Variants in CCND3 observed in about 807,000 individuals in gnomAD.
CCND3 encodes the protein G1/S-specific cyclin-D3.
Under a neutral mutation model 28.7 loss-of-function variants are expected in CCND3, and 9 were observed. The ratio of observed to expected loss-of-function variants is 0.31; its 90% CI spans 0.19 to 0.55. The LOEUF (loss-of-function observed/expected upper bound fraction) is 0.55. Among genes scored for constraint, CCND3 ranks in the 20% least tolerant of loss-of-function variants. The pLI is 0.93. For synonymous variants in CCND3, 164 were observed against 163.9 expected (o/e 1.00, Z 0.00); for missense variants, 315 against 385.8 (o/e 0.82, Z 1.54).
chr6:42,000,118 C>T (rs1762945754), intron 1 of CCND3, among the ~76,000 whole-genome samples: 1 of 148,660 alleles, frequency 6.7e-6, no homozygotes, highest in Non-Finnish European at 1.5e-5. Context: ...CATACTAGGT[C>T]ATAAAGCAAG....
rs1242442439 is a variant in CCND3, at chr6:41,938,438, A to G, written c.415-1044T>C. Among the ~76,000 whole-genome samples, 1 of 152,114 alleles carries G rather than the reference A, an allele frequency of 6.6e-6. No individual in the cohort carries two copies. The highest frequency in any genetic ancestry group is 2.4e-5 in the African/African-American group (1 of 41,418). ...CCCCTACCCTCACAGAGCCCCAGAG[A>G]AAATAGCCTGGCCTGGAGCCAGAAG... On this transcript the variant is annotated intron_variant, in intron 2 of 4. Transcript: ENST00000372991. This position sits in a 1 kb window ranked among gnomAD's most constrained non-coding sequence, Gnocchi z 4.6.
chr6:41,959,950 C>T (rs1410940616), intron 1 of CCND3, among the ~76,000 whole-genome samples: 3 of 80,234 alleles, frequency 3.7e-5, no homozygotes, highest in African/African-American at 6.3e-5. Flanking sequence ...AGCGAGACTC[C>T]GTCTCAAAAA....
chr6:41,940,639 CG>C (rs575038141), intron 1 of CCND3, 54 bp from the exon 2 acceptor site: 104 of 1,084,124 alleles, frequency 9.6e-5, no homozygotes, highest in Admixed American at 2.8e-4. Flanking sequence ...AACACAGCAG[CG>C]GGGGGGTGGG....
intron 1 of CCND3, among the ~76,000 whole-genome samples, chr6:41,983,373 A>G (rs1762400283): frequency 6.6e-6 from 1 of 151,746 alleles, no homozygotes. Flanking sequence ...CTGTCTCAAA[A>G]AAAAAAAAAA....
At position 42,048,376 on chromosome 6, in the gene CCND3, T is replaced by C; in HGVS notation, c.-46+125A>G. On this transcript the variant is annotated intron_variant, in intron 1 of 4. Transcript: ENST00000372988. This position sits in a 1 kb window ranked among gnomAD's most constrained non-coding sequence, Gnocchi z 4.7. ...GTGGGAAAGTGAGCCAAGCTTTCGG[T>C]GCCAACTAGGAAGTGATGAGGATGC... 1 of 341,896 alleles carries C rather than the reference T, an allele frequency of 2.9e-6. No individual in the cohort carries two copies. The highest frequency in any genetic ancestry group is 2.2e-5 in the African/African-American group (1 of 45,934). The allele number at this position is 341,896 out of a possible 1,614,324, so 21.2% of individuals were successfully genotyped here.
intron 1 of CCND3, among the ~76,000 whole-genome samples, chr6:41,979,343 C>G (rs1045742524): frequency 6.6e-6 from 1 of 151,534 alleles, no homozygotes; most frequent in Non-Finnish European, 1.5e-5. Context: ...ACCATCCTGG[C>G]TAACACGGTG....
At chr6:42,043,998 G>A (rs1434281539) in intron 1 of CCND3, among the ~76,000 whole-genome samples, 2 of 152,234 alleles carry the variant, frequency 1.3e-5, no homozygotes, top group Admixed American at 1.3e-4. Flanking sequence ...GCCCTCTGAA[G>A]GGCATAAAAG....
chr6:42,013,962 C>CT (rs1428727963), intron 1 of CCND3, among the ~76,000 whole-genome samples: 5 of 151,688 alleles, frequency 3.3e-5, no homozygotes, highest in Non-Finnish European at 5.9e-5. Flanking sequence ...GTCCCAGCTA[C>CT]CAGGGAGGCT....
intron 1 of CCND3, among the ~76,000 whole-genome samples, chr6:41,993,888 A>C (rs1239829046): frequency 6.7e-6 from 1 of 148,410 alleles, no homozygotes; most frequent in Non-Finnish European, 1.5e-5. Context: ...ACACCACTGC[A>C]CTCCAGCCTG....
At chr6:41,967,738 A>T (rs1761927095) in intron 1 of CCND3, among the ~76,000 whole-genome samples, 1 of 152,140 alleles carries the variant, frequency 6.6e-6, no homozygotes, top group African/African-American at 2.4e-5. Flanking sequence ...CCATTGTATC[A>T]ATTTTAGTGC....
At chr6:42,000,506 G>A (rs1317686767) in intron 1 of CCND3, among the ~76,000 whole-genome samples, 1 of 148,314 alleles carries the variant, frequency 6.7e-6, no homozygotes, top group East Asian at 2.0e-4. Flanking sequence ...GGGATTATAA[G>A]CGTGAGCCAC....
intron 1 of CCND3, among the ~76,000 whole-genome samples, chr6:41,971,561 G>T (rs1184628861): frequency 1.3e-5 from 2 of 149,494 alleles, no homozygotes; most frequent in Admixed American, 6.6e-5. Context: ...TTTTTTTTTT[G>T]AGATAGAGTC....
At chr6:41,945,106 A>G (rs1022931087), upstream of CCND3, among the ~76,000 whole-genome samples, 1 of 152,234 alleles carries the variant, frequency 6.6e-6, no homozygotes, top group African/African-American at 2.4e-5. Context: ...CCAGTTAGAA[A>G]AAGTCAATAA....
intron 1 of CCND3, among the ~76,000 whole-genome samples, chr6:41,951,540 C>T (rs1282585172): frequency 5.3e-5 from 5 of 93,866 alleles, no homozygotes; most frequent in Admixed American, 2.8e-4. Context: ...CCAGCCTGAG[C>T]GACACACACA....
At chr6:42,010,104 G>A (rs1252369838) in intron 1 of CCND3, among the ~76,000 whole-genome samples, 1 of 152,166 alleles carries the variant, frequency 6.6e-6, no homozygotes, top group African/African-American at 2.4e-5. Context: ...ACAAGCAGGA[G>A]TCAGCCCTGA....
At chr6:42,039,670 T>C (rs1022977982) in intron 1 of CCND3, among the ~76,000 whole-genome samples, 2 of 152,222 alleles carry the variant, frequency 1.3e-5, no homozygotes, top group African/African-American at 4.8e-5. Flanking sequence ...ATTGCCGCAG[T>C]TGGGGTGGCT....
intron 1 of CCND3, among the ~76,000 whole-genome samples, chr6:41,948,647 G>A (rs1035270390): frequency 1.6e-4 from 25 of 151,982 alleles, no homozygotes; most frequent in African/African-American, 5.3e-4. Flanking sequence ...GACCAGCCTG[G>A]CCAACATGGT....
At chr6:41,967,841 C>T (rs1300288927) in intron 1 of CCND3, among the ~76,000 whole-genome samples, 2 of 152,234 alleles carry the variant, frequency 1.3e-5, no homozygotes, top group African/African-American at 4.8e-5. Flanking sequence ...CCTGGTGGTT[C>T]TAACCCCCAC....
intron 1 of CCND3, among the ~76,000 whole-genome samples, chr6:41,958,452 T>C (rs894974281): frequency 9.2e-5 from 14 of 152,208 alleles, no homozygotes; most frequent in Admixed American, 3.9e-4. Flanking sequence ...TATTATTCAT[T>C]CACTTGGTCC....
Sources: gnomAD v4.1 joint callset for allele counts (sites outside exome capture counted in the v4.1 genomes callset) on GRCh38, gnomAD v4.1.1 for gene constraint, Gnocchi (gnomAD v3.1) non-coding constraint, MANE v1.5 for transcripts, NCBI Gene and HGNC (gene_info 2026-07-23, HGNC 2026-07-21) for gene names.